Variants in TBC1D5 observed in about 807,000 individuals in gnomAD.
TBC1D5 encodes the protein TBC1 domain family, member 5.
In TBC1D5, 75 loss-of-function variants were observed where a neutral mutation model predicts 100.3. That is an observed-to-expected ratio of 0.75 (90% confidence interval 0.62 to 0.91). The LOEUF (loss-of-function observed/expected upper bound fraction) is 0.91. Among genes scored for constraint, TBC1D5 ranks in the 40% least tolerant of loss-of-function variants. TBC1D5 has a pLI of 0.00. For synonymous variants in TBC1D5, 323 were observed against 325.6 expected (o/e 0.99, Z 0.09); for missense variants, 910 against 942.4 (o/e 0.97, Z 0.45).
chr3:17,621,810 A>G (rs2062685032), intron 2 of TBC1D5, among the ~76,000 whole-genome samples: 1 of 152,194 alleles, frequency 6.6e-6, no homozygotes. Context: ...ATAAGCAACT[A>G]GAGGGCAGAC....
intron 14 of TBC1D5, among the ~76,000 whole-genome samples, chr3:17,305,366 T>C (rs911127599): frequency 1.4e-4 from 21 of 152,192 alleles, no homozygotes; most frequent in Admixed American, 3.3e-4. Flanking sequence ...GACCATATAA[T>C]TTTTATGATC....
intron 2 of TBC1D5, among the ~76,000 whole-genome samples, chr3:17,582,789 AAAAAACAAAAAC>A (rs901161755): frequency 7.9e-5 from 12 of 152,086 alleles, no homozygotes; most frequent in South Asian, 2.1e-4. Context: ...AAAAAGCAAA[AAAAAACAAAAAC>A]AAAAACAAAA....
intron 1 of TBC1D5, among the ~76,000 whole-genome samples, chr3:17,727,296 G>C (rs950818156): frequency 6.6e-6 from 1 of 152,312 alleles, no homozygotes; most frequent in East Asian, 1.9e-4. Flanking sequence ...CAGGAGAATC[G>C]CTTGATCCCG....
At chr3:17,337,687 ATT>A (rs1418408239) in intron 13 of TBC1D5, 1 of 152,172 alleles carries the variant, frequency 6.6e-6, no homozygotes, top group Non-Finnish European at 1.5e-5. Context: ...ACACAATTTT[ATT>A]TTCTTTAAAG....
At chr3:17,602,810 C>T (rs1428424585) in intron 2 of TBC1D5, among the ~76,000 whole-genome samples, 2 of 151,898 alleles carry the variant, frequency 1.3e-5, no homozygotes, top group African/African-American at 2.4e-5. Flanking sequence ...CTCCTGACCT[C>T]GTGATCCACC....
intron 1 of TBC1D5, among the ~76,000 whole-genome samples, chr3:17,647,251 T>C (rs889632332): frequency 2.0e-5 from 3 of 152,228 alleles, no homozygotes; most frequent in South Asian, 2.1e-4. Context: ...AGAAGCTAGA[T>C]AAACCACAGA....
At chr3:17,158,651 C>A (rs1470248997) in exon 22 of TBC1D5, 3 of 152,152 alleles carry the variant, frequency 2.0e-5, no homozygotes, top group African/African-American at 7.2e-5. Context: ...ACCGAGAGGA[C>A]CTGCCTCTAG....
At chr3:17,280,166 GTAA>G (rs991044993) in intron 15 of TBC1D5, among the ~76,000 whole-genome samples, 1 of 152,168 alleles carries the variant, frequency 6.6e-6, no homozygotes, top group African/African-American at 2.4e-5. Context: ...TAACAAATCA[GTAA>G]ACTACCTACT....
At chr3:17,475,973 T>C (rs2095433649) in intron 3 of TBC1D5, among the ~76,000 whole-genome samples, 2 of 152,108 alleles carry the variant, frequency 1.3e-5, no homozygotes, top group South Asian at 4.1e-4. Flanking sequence ...CTGACAGGGA[T>C]TTTATTTAAA....
intron 17 of TBC1D5, among the ~76,000 whole-genome samples, chr3:17,225,502 T>TA (rs1348881005): frequency 7.7e-6 from 1 of 129,606 alleles, no homozygotes; most frequent in Admixed American, 7.5e-5. Context: ...ATAGTACAAA[T>TA]AAAAATACAG....
At chr3:17,722,838 T>C (rs1242656254) in intron 1 of TBC1D5, among the ~76,000 whole-genome samples, 1 of 152,188 alleles carries the variant, frequency 6.6e-6, no homozygotes, top group Non-Finnish European at 1.5e-5. Context: ...GGATCTCCCT[T>C]ACACAAACCT....
chr3:17,192,905 A>T (rs998693119), intron 18 of TBC1D5, among the ~76,000 whole-genome samples: 4 of 152,216 alleles, frequency 2.6e-5, no homozygotes, highest in Non-Finnish European at 4.4e-5. Flanking sequence ...ATGGGTTTTC[A>T]TAACAATCAC....
At chr3:17,377,294 A>G (rs1330012703) in intron 9 of TBC1D5, among the ~76,000 whole-genome samples, 2 of 152,098 alleles carry the variant, frequency 1.3e-5, no homozygotes, top group Non-Finnish European at 2.9e-5. Flanking sequence ...CACCAAAAAC[A>G]GGAATAGAAA....
At chr3:17,713,732 C>T (rs1161449827) in intron 1 of TBC1D5, among the ~76,000 whole-genome samples, 2 of 152,108 alleles carry the variant, frequency 1.3e-5, no homozygotes, top group Admixed American at 1.3e-4. Context: ...AATCTGAATA[C>T]ACATATCTCC....
chr3:17,698,978 A>AGT (rs1235566962), intron 1 of TBC1D5, among the ~76,000 whole-genome samples: 1 of 149,988 alleles, frequency 6.7e-6, no homozygotes, highest in Non-Finnish European at 1.5e-5. Flanking sequence ...TGTGGAAGTC[A>AGT]GTGTGGCGAT....
At chr3:17,506,408 T>A (rs1463925046) in intron 3 of TBC1D5, among the ~76,000 whole-genome samples, 1 of 152,210 alleles carries the variant, frequency 6.6e-6, no homozygotes, top group African/African-American at 2.4e-5. Context: ...GTGTGTTTTG[T>A]ATATATTTTT....
intron 1 of TBC1D5, among the ~76,000 whole-genome samples, chr3:17,728,895 A>C (rs2076328518): frequency 6.6e-6 from 1 of 151,782 alleles, no homozygotes; most frequent in South Asian, 2.1e-4. Context: ...ATAAAAATGT[A>C]ATAGTTCTTA....
intron 17 of TBC1D5, among the ~76,000 whole-genome samples, chr3:17,225,373 A>G (rs1318313016): frequency 7.4e-6 from 1 of 136,002 alleles, no homozygotes; most frequent in Admixed American, 7.8e-5. Context: ...TGGGAGGTGG[A>G]GGTTGCAGTG....
intron 2 of TBC1D5, among the ~76,000 whole-genome samples, chr3:17,620,337 C>T (rs576610762): frequency 6.6e-6 from 1 of 152,202 alleles, no homozygotes; most frequent in Non-Finnish European, 1.5e-5. Context: ...TGAAGATACA[C>T]CTGTAAAACT....
Sources: gnomAD v4.1 joint callset for allele counts (sites outside exome capture counted in the v4.1 genomes callset) on GRCh38, gnomAD v4.1.1 for gene constraint, MANE v1.5 for transcripts, NCBI Gene and HGNC (gene_info 2026-07-23, HGNC 2026-07-21) for gene names.